Variants in SEC61A2 observed in about 807,000 individuals in gnomAD.
SEC61A2 encodes protein transport protein Sec61 subunit alpha isoform 2.
Under a neutral mutation model 59.9 loss-of-function variants are expected in SEC61A2, and 28 were observed. The observed-to-expected ratio is 0.47, with a 90% confidence interval of 0.35 to 0.64. The LOEUF (loss-of-function observed/expected upper bound fraction) is 0.64, where lower values mean the gene tolerates loss of function less well. SEC61A2 is among the 30% of genes least tolerant of loss of function. The pLI, the probability that SEC61A2 is intolerant of heterozygous loss-of-function variation, is 0.01. For missense variants in SEC61A2, 340 were observed against 585.9 expected (o/e 0.58, Z 4.33); for synonymous variants, 202 against 214.4 (o/e 0.94, Z 0.50).
rs367719119 is a variant in SEC61A2, at chr10:12,139,886, G to A, written c.142-3231G>A. Among the ~76,000 whole-genome samples, 95 of 149,488 alleles carry A rather than the reference G, an allele frequency of 6.4e-4. 3 individuals are homozygous for A. The East Asian group carries it at 0.017, about 27-fold the overall frequency. Reference sequence around the variant, plus strand: ...TGGGAGGCTGAGGCAGGAGAATGGCGTGAACCCGGGAGGCGGAGCTTGCAG... The same window carrying A: ...TGGGAGGCTGAGGCAGGAGAATGGCATGAACCCGGGAGGCGGAGCTTGCAG... On this transcript the variant is annotated intron_variant, in intron 3 of 11. Coordinates refer to ENST00000298428, the MANE Select transcript of SEC61A2 (RefSeq NM_018144.4).
At position 12,164,833 on chromosome 10, in the gene SEC61A2, C is replaced by G; in HGVS notation, c.*379C>G. 9.9e-7 allele frequency: 1 copy of G among 1,006,452 alleles called. No homozygotes were observed. The highest frequency in any genetic ancestry group is 1.2e-6 in the Non-Finnish European group (1 of 843,402). The allele number at this position is 1,006,452 out of a possible 1,614,324, so 62.3% of individuals were successfully genotyped here. On this transcript the variant is annotated 3_prime_UTR_variant, in exon 12 of 12. Coordinates refer to ENST00000298428, the MANE Select transcript of SEC61A2 (RefSeq NM_018144.4). The surrounding 1 kb of genome is among the most constrained non-coding windows in gnomAD (Gnocchi z 7.3). ...TAAATGTAGTTCAAATTGCCACTTT[C>G]CAGTATTTTTGAGCTTATTTAATGA...
chr10:12,168,401 T>G (rs1390632639), downstream of SEC61A2, among the ~76,000 whole-genome samples: 1 of 152,138 alleles, frequency 6.6e-6, no homozygotes, highest in East Asian at 1.9e-4. The surrounding 1 kb of genome is among the most constrained non-coding windows in gnomAD (Gnocchi z 4.8). Flanking sequence ...ATAGCTGGGG[T>G]AGGGCTTTGC....
intron 2 of SEC61A2, 49 bp from the exon 3 acceptor site, chr10:12,136,056 T>G (rs1230114762): frequency 2.4e-6 from 3 of 1,265,776 alleles, no homozygotes; most frequent in Non-Finnish European, 3.5e-6. Context: ...CCCCAAAAAT[T>G]TGCTGTTTCT....
downstream of SEC61A2, among the ~76,000 whole-genome samples, chr10:12,168,227 T>C (rs895583415): frequency 4.6e-5 from 7 of 152,134 alleles, no homozygotes; most frequent in Non-Finnish European, 8.8e-5. This position sits in a 1 kb window ranked among gnomAD's most constrained non-coding sequence, Gnocchi z 4.8. Flanking sequence ...GTTTTTGCCA[T>C]GTTGGCCAGG....
chr10:12,138,586 G>A (rs1227565066), intron 3 of SEC61A2, among the ~76,000 whole-genome samples: 9 of 152,262 alleles, frequency 5.9e-5, no homozygotes, highest in Admixed American at 3.3e-4. Flanking sequence ...ACTGTACTTT[G>A]ATTTGTTTTT....
chr10:12,150,277 A>G (rs1364170683), intron 6 of SEC61A2, among the ~76,000 whole-genome samples: 1 of 152,242 alleles, frequency 6.6e-6, no homozygotes, highest in Non-Finnish European at 1.5e-5. Context: ...ATGTCTCTAG[A>G]ATCAGGATGT....
At position 12,164,124 on chromosome 10, in the gene SEC61A2, C is replaced by A; in HGVS notation, c.1245-144C>A. 1 of 853,342 alleles carries A rather than the reference C, an allele frequency of 1.2e-6. No individual in the cohort carries two copies. The highest frequency in any genetic ancestry group is 1.8e-5 in the South Asian group (1 of 56,054). 52.9% of individuals were successfully genotyped at this position (853,342 alleles called of 1,614,324 possible). On this transcript the variant is annotated intron_variant, in intron 11 of 11. Transcript: ENST00000298428. This position sits in a 1 kb window ranked among gnomAD's most constrained non-coding sequence, Gnocchi z 7.3. ...GTTCCCATGCCGTGCCCTGCACACC[C>A]CTCCACACTGCAGCCTGTTCCCTCT...
Position 12,142,983 on chromosome 10 carries a change from T to A in SEC61A2, c.142-134T>A. 1 of 614,222 alleles carries A rather than the reference T, an allele frequency of 1.6e-6. No individual in the cohort carries two copies. The highest frequency in any genetic ancestry group is 2.9e-6 in the Non-Finnish European group (1 of 344,086). 38.0% of individuals were successfully genotyped at this position (614,222 alleles called of 1,614,324 possible). A position where few individuals can be genotyped will look rare whatever the true frequency, so the allele number is the denominator to read the frequency against. On this transcript the variant is annotated intron_variant, in intron 3 of 11. Transcript: ENST00000298428. The surrounding 1 kb of genome is among the most constrained non-coding windows in gnomAD (Gnocchi z 5.4). Reference sequence around the variant, plus strand: ...TATACTTTTTTTTTTTGAGACAGAGTCTCCTGTCACCCAGGCTGGAGTGCA... The same window carrying A: ...TATACTTTTTTTTTTTGAGACAGAGACTCCTGTCACCCAGGCTGGAGTGCA...
Position 12,149,467 on chromosome 10 carries a change from A to G in SEC61A2, c.221-128A>G. On this transcript the variant is annotated intron_variant, in intron 4 of 11. Coordinates refer to ENST00000298428, the MANE Select transcript of SEC61A2 (RefSeq NM_018144.4). This position sits in a 1 kb window ranked among gnomAD's most constrained non-coding sequence, Gnocchi z 5.2. ...CTTTTCTTAGCAAGTAGTGTTTAAG[A>G]AATGAAAATTTGCTTGTTAAAATTT... 1 of 864,946 alleles carries G rather than the reference A, an allele frequency of 1.2e-6. No individual in the cohort carries two copies. The highest frequency in any genetic ancestry group is 1.7e-5 in the African/African-American group (1 of 59,188). The allele number at this position is 864,946 out of a possible 1,614,324, so 53.6% of individuals were successfully genotyped here.
In SEC61A2 at chr10:12,162,271, T is replaced by C; in HGVS notation, c.1226T>C (p.Met409Thr). ...ATGAGGGGCCACCGAGATACCTCTA[T>C]GGTTCATGAGCTTAATAGGTAAGGC... ...MVMRGHRDTS[M>T]VHELNRYIPT... is the part of the protein sequence containing the mutation. Residue 409 changes from methionine to threonine, a missense_variant, in exon 11 of 12, where the codon ATG becomes ACG. Transcript: ENST00000298428. The surrounding 1 kb of genome is among the most constrained non-coding windows in gnomAD (Gnocchi z 6.1). The C allele has an allele frequency of 6.2e-7, 1 of 1,613,646 alleles. No individual in the cohort carries two copies. The highest frequency in any genetic ancestry group is 8.5e-7 in the Non-Finnish European group (1 of 1,179,600).
chr10:12,144,651 G>A (rs1479226170), intron 4 of SEC61A2, among the ~76,000 whole-genome samples: 1 of 152,152 alleles, frequency 6.6e-6, no homozygotes, highest in Non-Finnish European at 1.5e-5. Context: ...GAAGACAGCT[G>A]CAGGAAGTGA....
Position 12,155,916 on chromosome 10 carries a change from A to G in SEC61A2, c.601A>G (p.Ile201Val), listed in dbSNP as rs755132845. ...CTGGAAGGCCTTTAGTCCCACTACC[A>G]TTAACACTGGCAGAGGTACATCGCA... ...IVWKAFSPTT[I>V]NTGRGTEFEG... Residue 201 changes from isoleucine to valine, a missense_variant, in exon 7 of 12, where the codon ATT (isoleucine) becomes GTT (valine). Ile to Val is a conservative substitution (Grantham distance 29). This residue lies in a region of SEC61A2 where 283 missense variants were observed against 483.2 expected (regional missense o/e 0.59). Transcript: ENST00000298428. This position sits in a 1 kb window ranked among gnomAD's most constrained non-coding sequence, Gnocchi z 4.3. 2.5e-6 allele frequency: 4 copies of G among 1,614,094 alleles called. No homozygotes were observed. Among genetic ancestry groups the G allele is most frequent in the Non-Finnish European group, 2.5e-6 (3 of 1,180,056 alleles).
chr10:12,136,075 A>G, intron 2 of SEC61A2, 30 bp from the exon 3 acceptor site: 1 of 1,523,508 alleles, frequency 6.6e-7, no homozygotes, highest in South Asian at 1.1e-5. Flanking sequence ...CTTGGTTTTG[A>G]TTGATGATTC....
chr10:12,157,888 C>T lies in SEC61A2; in HGVS notation c.778-20C>T. 1 of 1,612,298 alleles carries T rather than the reference C, an allele frequency of 6.2e-7. No individual in the cohort carries two copies. Among genetic ancestry groups the T allele is most frequent in the Non-Finnish European group, 8.5e-7 (1 of 1,178,398 alleles). The stretch of plus-strand genomic sequence containing the variant: ...TTAATGTGTCTGGCTCCCCCACTTA[C>T]TCTCCGTTTCCTTTTTTAGGGATTT... On this transcript the variant is annotated intron_variant, in intron 8 of 11. Coordinates refer to ENST00000298428, the MANE Select transcript of SEC61A2 (RefSeq NM_018144.4).
Position 12,164,876 on chromosome 10 carries a change from T to A in SEC61A2, c.*422T>A. 1 of 979,846 alleles carries A rather than the reference T, an allele frequency of 1.0e-6. No homozygotes were observed. The highest frequency in any genetic ancestry group is 1.1e-4 in the East Asian group (1 of 8,796). The allele number at this position is 979,846 out of a possible 1,614,324, so 60.7% of individuals were successfully genotyped here. On this transcript the variant is annotated 3_prime_UTR_variant, in exon 12 of 12. Coordinates refer to ENST00000298428, the MANE Select transcript of SEC61A2 (RefSeq NM_018144.4). The surrounding 1 kb of genome is among the most constrained non-coding windows in gnomAD (Gnocchi z 7.3). ...TTTAATGAGTTCTGGAACATTTATA[T>A]CTAATCTATATTTTAGATAATTACT... is the stretch of plus-strand genomic sequence containing the variant.
intron 6 of SEC61A2, among the ~76,000 whole-genome samples, chr10:12,151,642 G>T (rs1353650579): frequency 1.3e-5 from 2 of 151,832 alleles, no homozygotes; most frequent in Non-Finnish European, 2.9e-5. Flanking sequence ...AAAAGATCAA[G>T]ATCAAGCTGA....
chr10:12,137,880 C>T (rs1833924099), intron 3 of SEC61A2, among the ~76,000 whole-genome samples: 1 of 152,042 alleles, frequency 6.6e-6, no homozygotes, highest in African/African-American at 2.4e-5. Context: ...GTGGCGTGCA[C>T]ATGTAATCCC....
chr10:12,169,000 T>G (rs192943682), downstream of SEC61A2, among the ~76,000 whole-genome samples: 4 of 152,162 alleles, frequency 2.6e-5, no homozygotes, highest in Admixed American at 2.6e-4. This position sits in a 1 kb window ranked among gnomAD's most constrained non-coding sequence, Gnocchi z 4.8. Flanking sequence ...TGACCTCAAG[T>G]GATCAGCCTA....
Position 12,156,033 on chromosome 10 carries a change from C to T in SEC61A2, c.616+102C>T. 8.2e-7 allele frequency: 1 copy of T among 1,213,324 alleles called. No individual in the cohort carries two copies. The highest frequency in any genetic ancestry group is 1.2e-6 in the Non-Finnish European group (1 of 837,890). 75.2% of individuals were successfully genotyped at this position (1,213,324 alleles called of 1,614,324 possible). ...ATGCCTAGAGCCGTTCTGGTTTGCTCTCCTAGGGGATAAGGAATGCGAATT... is the reference window on the plus strand; with the variant it reads ...ATGCCTAGAGCCGTTCTGGTTTGCTTTCCTAGGGGATAAGGAATGCGAATT... On this transcript the variant is annotated intron_variant, in intron 7 of 11. Coordinates refer to ENST00000298428, the MANE Select transcript of SEC61A2 (RefSeq NM_018144.4). The surrounding 1 kb of genome is among the most constrained non-coding windows in gnomAD (Gnocchi z 5.2).
Sources: allele counts gnomAD v4.1 joint callset (sites outside exome capture counted in the v4.1 genomes callset), GRCh38; gene constraint gnomAD v4.1.1; regional missense constraint gnomAD v4.1.1; non-coding constraint Gnocchi (gnomAD v3.1); transcripts MANE v1.5; gene names NCBI Gene and HGNC (gene_info 2026-07-23, HGNC 2026-07-21).